KALRN: variants seen among roughly 807,000 people sequenced by gnomAD.
KALRN encodes kalirin RhoGEF kinase, also known as kalirin.
KALRN carries 70 observed loss-of-function variants against 353.7 expected under a neutral mutation model. That is an observed-to-expected ratio of 0.20 (90% CI 0.16 to 0.24). The LOEUF is 0.24. Ranked by LOEUF, KALRN falls within the 10% of genes least tolerant of loss-of-function variation. The pLI is 1.00. For missense variants in KALRN, 2,791 were observed against 3,756.7 expected, an observed-to-expected ratio of 0.74 and a Z score of 6.72; for synonymous variants, 1,391 against 1,434.8, an observed-to-expected ratio of 0.97 and a Z score of 0.69.
chr3:124,367,537 C>T lies in KALRN; in HGVS notation c.1771-17308C>T, dbSNP rs1444352632. ...CTGACCCCCCCACCTCCCTCCCGGA[C>T]GGGGCGGCTGGCCGGGCAGAGGGGC... On this transcript the variant is annotated intron_variant, in intron 10 of 59. Coordinates refer to ENST00000682506, the MANE Select transcript of KALRN (RefSeq NM_001388419.1). Among the ~76,000 whole-genome samples the T allele has an allele frequency of 7.6e-5, 7 of 91,756 alleles. No homozygotes were observed. In the East Asian group the frequency reaches 1.4e-3, roughly 18 times the overall value. 60.2% of individuals were successfully genotyped at this position (91,756 alleles called of 152,430 possible).
At chr3:124,232,242 C>T (rs754243724) in intron 2 of KALRN, among the ~76,000 whole-genome samples, 20 of 152,166 alleles carry the variant, frequency 1.3e-4, no homozygotes, top group South Asian at 2.1e-4. Context: ...ACAGAGCTTT[C>T]GCTGTGCCCT....
chr3:124,240,207 C>T (rs1427571178), intron 3 of KALRN, among the ~76,000 whole-genome samples: 1 of 152,174 alleles, frequency 6.6e-6, no homozygotes. Flanking sequence ...TAACTGCAAT[C>T]GTTAGTAATC....
At chr3:124,204,821 C>T (rs2076271579) in intron 1 of KALRN, among the ~76,000 whole-genome samples, 1 of 152,136 alleles carries the variant, frequency 6.6e-6, no homozygotes, top group African/African-American at 2.4e-5. Flanking sequence ...AGCTGTCCTC[C>T]GCACTGCTCC....
Position 124,353,768 on chromosome 3 carries a change from A to AG in KALRN, c.1770+6503_1770+6504insG, listed in dbSNP as rs397877648. Reference sequence around the variant, plus strand: ...GATTCTTAGGCAAATGAAAAAAAAAATAGTGAGGAAGAAAGCCAGGAAAAT... The same window carrying AG: ...GATTCTTAGGCAAATGAAAAAAAAAAGTAGTGAGGAAGAAAGCCAGGAAAAT... On this transcript the variant is annotated intron_variant, in intron 10 of 59. Coordinates refer to ENST00000682506, the MANE Select transcript of KALRN (RefSeq NM_001388419.1). Among the ~76,000 whole-genome samples, 8 of 152,182 alleles carry AG rather than the reference A, an allele frequency of 5.3e-5. No homozygotes were observed. In the Middle Eastern group the frequency reaches 0.02, roughly 388 times the overall value.
intron 5 of KALRN, among the ~76,000 whole-genome samples, chr3:124,298,169 G>A (rs2076991156): frequency 6.6e-6 from 1 of 152,166 alleles, no homozygotes; most frequent in Non-Finnish European, 1.5e-5. Flanking sequence ...CCAGGGTATG[G>A]AGCTAGGAGG....
At chr3:124,300,238 T>G (rs2077157761) in intron 6 of KALRN, among the ~76,000 whole-genome samples, 1 of 152,232 alleles carries the variant, frequency 6.6e-6, no homozygotes, top group Non-Finnish European at 1.5e-5. Flanking sequence ...AGTTGTTCAC[T>G]GTCTAGCTAG....
At chr3:124,703,491 T>TA (rs551136226) in intron 57 of KALRN, among the ~76,000 whole-genome samples, 44 of 149,932 alleles carry the variant, frequency 2.9e-4, no homozygotes, top group Middle Eastern at 3.4e-3. Context: ...TGAGCAGATT[T>TA]AAAAAAAAAA....
chr3:124,323,788 G>A (rs779876148), intron 6 of KALRN, among the ~76,000 whole-genome samples: 1 of 152,194 alleles, frequency 6.6e-6, no homozygotes, highest in Non-Finnish European at 1.5e-5. Flanking sequence ...AAGGTGGCAG[G>A]GGCATGGATT....
chr3:124,330,273 CACACACACACACA>C (rs2080397429), intron 8 of KALRN, among the ~76,000 whole-genome samples: 2 of 151,700 alleles, frequency 1.3e-5, no homozygotes, highest in Admixed American at 1.3e-4. Context: ...CACACACACA[CACACACACACACA>C]CCCCATACAC....
At chr3:124,354,734 G>A (rs371114173) in intron 10 of KALRN, among the ~76,000 whole-genome samples, 2 of 152,174 alleles carry the variant, frequency 1.3e-5, no homozygotes, top group East Asian at 3.8e-4. Context: ...ATAATAGGTA[G>A]TCCTGAGACC....
At chr3:124,694,613 A>G (rs982410118) in intron 53 of KALRN, 110 bp downstream of exon 53, 2 of 1,054,350 alleles carry the variant, frequency 1.9e-6, no homozygotes, top group Non-Finnish European at 2.8e-6. Context: ...CTGCAAGAGA[A>G]TAGCTGCCCT....
intron 51 of KALRN, among the ~76,000 whole-genome samples, chr3:124,689,139 G>C (rs1170312046): frequency 6.6e-6 from 1 of 152,240 alleles, no homozygotes; most frequent in African/African-American, 2.4e-5. Context: ...GTTTCACAGA[G>C]AGAGAACATG....
intron 55 of KALRN, among the ~76,000 whole-genome samples, chr3:124,698,235 G>A (rs575724048): frequency 1.3e-4 from 20 of 152,198 alleles, no homozygotes; most frequent in South Asian, 4.2e-4. Flanking sequence ...CTCAGCCTCC[G>A]GAAGTGCTGG....
intron 3 of KALRN, among the ~76,000 whole-genome samples, chr3:124,242,871 T>A (rs1431168901): frequency 1.3e-5 from 2 of 152,166 alleles, no homozygotes; most frequent in Admixed American, 6.5e-5. Flanking sequence ...AACTCTCATT[T>A]ATGCTCATCT....
At chr3:124,333,314 T>C (rs551691074) in intron 8 of KALRN, among the ~76,000 whole-genome samples, 2 of 152,314 alleles carry the variant, frequency 1.3e-5, no homozygotes, top group African/African-American at 4.8e-5. Flanking sequence ...TGGTAGCCAG[T>C]ATCACTTGTC....
chr3:124,050,106 A>G (rs1465984386), intron 1 of KALRN, among the ~76,000 whole-genome samples: 1 of 152,178 alleles, frequency 6.6e-6, no homozygotes, highest in Non-Finnish European at 1.5e-5. Flanking sequence ...GGGTACTTGG[A>G]GCCAAGGCAA....
chr3:124,096,541 C>T (rs2061461953), intron 1 of KALRN: 1 of 152,186 alleles, frequency 6.6e-6, no homozygotes, highest in Non-Finnish European at 1.5e-5. Context: ...TAAGAAGAAA[C>T]TAGATGTTAA....
chr3:124,383,967 G>A (rs1465187652), intron 10 of KALRN, among the ~76,000 whole-genome samples: 2 of 152,104 alleles, frequency 1.3e-5, no homozygotes, highest in Admixed American at 6.5e-5. Context: ...AGAAATATAT[G>A]TACACCTGAG....
chr3:124,659,326 C>T (rs760221463), intron 42 of KALRN, 39 bp from the exon 43 acceptor site: 2 of 1,391,738 alleles, frequency 1.4e-6, no homozygotes, highest in Non-Finnish European at 1.0e-6. Flanking sequence ...CCCAGTTCTT[C>T]AGTTCCTTTT....
Sources: allele counts gnomAD v4.1 joint callset (sites outside exome capture counted in the v4.1 genomes callset), GRCh38; gene constraint gnomAD v4.1.1; transcripts MANE v1.5; gene names NCBI Gene and HGNC (gene_info 2026-07-23, HGNC 2026-07-21).